Variants in PCDH10 observed in about 807,000 individuals in gnomAD.
PCDH10 encodes protocadherin 10.
A neutral mutation model predicts 74.4 loss-of-function variants in PCDH10; 15 were observed. The ratio of observed to expected loss-of-function variants is 0.20; its 90% CI spans 0.13 to 0.31. The LOEUF is 0.31. Among genes scored for constraint, PCDH10 ranks in the 10% least tolerant of loss-of-function variants. The pLI, the probability that PCDH10 is intolerant of heterozygous loss-of-function variation, is 1.00. For missense variants in PCDH10, 1,260 were observed against 1,390.2 expected, an observed-to-expected ratio of 0.91 and a Z score of 1.49; for synonymous variants, 619 against 589.8, an observed-to-expected ratio of 1.05 and a Z score of -0.72.
chr4:133,199,947 G>A (rs1370819623), intron 2 of PCDH10, among the ~76,000 whole-genome samples: 2 of 151,002 alleles, frequency 1.3e-5, no homozygotes, highest in African/African-American at 2.4e-5. Context: ...ACAGGTGCAC[G>A]CCGCCACGCC....
At chr4:133,182,401 G>T (rs1310935387) in intron 4 of PCDH10, among the ~76,000 whole-genome samples, 2 of 151,990 alleles carry the variant, frequency 1.3e-5, no homozygotes, top group Non-Finnish European at 2.9e-5. Context: ...GGGATATTTT[G>T]TTGGAACTTC....
intron 4 of PCDH10, among the ~76,000 whole-genome samples, chr4:133,184,779 T>TAC (rs1424718495): frequency 1.4e-5 from 2 of 138,440 alleles, no homozygotes; most frequent in Admixed American, 7.5e-5. Context: ...TATAAATATA[T>TAC]ATATAAATAT....
At chr4:133,206,942 T>G (rs1728019553) in intron 2 of PCDH10, among the ~76,000 whole-genome samples, 1 of 152,192 alleles carries the variant, frequency 6.6e-6, no homozygotes, top group South Asian at 2.1e-4. Context: ...TGTTTGAAAT[T>G]GAATCACATT....
chr4:133,180,873 C>T (rs1727401951), intron 4 of PCDH10, among the ~76,000 whole-genome samples: 1 of 151,602 alleles, frequency 6.6e-6, no homozygotes, highest in South Asian at 2.1e-4. Flanking sequence ...TAAATTTTAA[C>T]CTTTAACAAG....
downstream of PCDH10, among the ~76,000 whole-genome samples, chr4:133,198,025 C>T (rs974212481): frequency 2.0e-5 from 3 of 148,408 alleles, no homozygotes; most frequent in African/African-American, 7.5e-5. Flanking sequence ...AAGGTAATAA[C>T]AGGCTCATAT....
intron 4 of PCDH10, chr4:133,164,101 A>G (rs1727031794): frequency 2.2e-6 from 1 of 446,006 alleles, no homozygotes. Context: ...TTTTCAAATT[A>G]CTCAGAACCA....
At chr4:133,201,302 C>A (rs1014908345) in intron 2 of PCDH10, among the ~76,000 whole-genome samples, 2 of 152,130 alleles carry the variant, frequency 1.3e-5, no homozygotes, top group African/African-American at 2.4e-5. Flanking sequence ...CTATTCACCC[C>A]ATCGAAGGAG....
downstream of PCDH10, among the ~76,000 whole-genome samples, chr4:133,198,253 C>CA (rs1320677372): frequency 7.3e-5 from 11 of 151,214 alleles, 1 homozygote; most frequent in Admixed American, 2.0e-4. Flanking sequence ...ACAAAGACTA[C>CA]AAAAAAACAA....
chr4:133,175,818 A>G (rs764976435), intron 4 of PCDH10, among the ~76,000 whole-genome samples: 2 of 152,074 alleles, frequency 1.3e-5, no homozygotes, highest in Non-Finnish European at 2.9e-5. Context: ...AAAAAATGCA[A>G]AAGTGTTTTG....
rs1330146478 is a variant in PCDH10 at position 133,154,349 on chromosome 4, C to T, written c.2674C>T (p.Pro892Ser). 12 of 1,605,422 alleles carry T rather than the reference C, an allele frequency of 7.5e-6. No homozygotes were observed. Among genetic ancestry groups the T allele is most frequent in the African/African-American group, 1.3e-5 (1 of 74,424 alleles). ...RAELSYLVDR[P>S]RRVNSSAFQE... ...AGAGCTCAGCTATCTAGTTGACAGACCTCGCCGAGTTAACAGGTATGGACT... is the reference window on the plus strand; with the variant it reads ...AGAGCTCAGCTATCTAGTTGACAGATCTCGCCGAGTTAACAGGTATGGACT... The change falls in exon 2 of 5, where the codon CCT (proline) becomes TCT (serine). Residue 892 changes from proline (P) to serine (S), a missense_variant. Coordinates refer to ENST00000264360, the MANE Select transcript of PCDH10 (RefSeq NM_032961.3).
chr4:133,201,149 G>A (rs79939087), intron 2 of PCDH10, among the ~76,000 whole-genome samples: 10,558 of 152,162 alleles, frequency 0.069, 484 homozygotes, highest in Non-Finnish European at 0.098. Context: ...ATCACCAAGA[G>A]TAAATCTGAC....
At chr4:133,206,508 T>C (rs1578584938) in intron 2 of PCDH10, among the ~76,000 whole-genome samples, 1 of 152,172 alleles carries the variant, frequency 6.6e-6, no homozygotes, top group Non-Finnish European at 1.5e-5. Context: ...TACTAAGCCT[T>C]GGGAATTTTT....
chr4:133,162,900 A>T, intron 3 of PCDH10, 77 bp from the exon 4 acceptor site: 1 of 1,236,396 alleles, frequency 8.1e-7, no homozygotes, highest in Non-Finnish European at 1.1e-6. Context: ...CCTTTATGCT[A>T]CCTGTAATCT....
chr4:133,161,334 T>C (rs2125862495), intron 3 of PCDH10, among the ~76,000 whole-genome samples: 1 of 152,268 alleles, frequency 6.6e-6, no homozygotes, highest in Non-Finnish European at 1.5e-5. Flanking sequence ...TTGGTGTTAC[T>C]TTTTAAAATT....
chr4:133,183,258 G>A (rs747521915), intron 4 of PCDH10, among the ~76,000 whole-genome samples: 57 of 152,058 alleles, frequency 3.7e-4, no homozygotes, highest in Non-Finnish European at 6.8e-4. Flanking sequence ...AGTTGACATA[G>A]TTGCAGTAAT....
chr4:133,196,505 C>T (rs557088487), downstream of PCDH10, among the ~76,000 whole-genome samples: 1 of 152,218 alleles, frequency 6.6e-6, no homozygotes, highest in African/African-American at 2.4e-5. Context: ...TTAGGTATTA[C>T]AATAGTGAGG....
chr4:133,199,899 G>A (rs532172198), intron 2 of PCDH10, among the ~76,000 whole-genome samples: 287 of 150,870 alleles, frequency 1.9e-3, no homozygotes, highest in Admixed American at 5.2e-3. Flanking sequence ...CCGAGTTCAC[G>A]CCATTCTGCT....
In PCDH10 at chr4:133,150,366, A is replaced by T; in HGVS notation, c.226A>T (p.Asn76Tyr). Residue 76 changes from asparagine to tyrosine, a missense_variant, in exon 1 of 5, where the codon AAC becomes TAC. Transcript: ENST00000264360. Reference sequence around the variant, plus strand: ...CCTGGAGACAGGGGTGCTGTACGTGAACGAGAAAATAGACCGCGAACAAAT... The same window carrying T: ...CCTGGAGACAGGGGTGCTGTACGTGTACGAGAAAATAGACCGCGAACAAAT... ...LNLETGVLYV[N>Y]EKIDREQICK... 2 of 1,613,966 alleles carry T rather than the reference A, an allele frequency of 1.2e-6. No homozygotes were observed. Among genetic ancestry groups the T allele is most frequent in the Non-Finnish European group, 1.7e-6 (2 of 1,179,960 alleles).
chr4:133,201,106 C>G (rs1204542029), intron 2 of PCDH10, among the ~76,000 whole-genome samples: 1 of 152,068 alleles, frequency 6.6e-6, no homozygotes, highest in African/African-American at 2.4e-5. Context: ...ATGAGTACGT[C>G]TCCCAGAGAA....
Sources: allele counts gnomAD v4.1 joint callset (sites outside exome capture counted in the v4.1 genomes callset), GRCh38; gene constraint gnomAD v4.1.1; transcripts MANE v1.5; gene names NCBI Gene and HGNC (gene_info 2026-07-23, HGNC 2026-07-21).